Variants in LARP1B observed in about 807,000 individuals in gnomAD.
LARP1B encodes La ribonucleoprotein 1B, also known as la-related protein 1B.
A neutral mutation model predicts 114.2 loss-of-function variants in LARP1B; 76 were observed. The observed-to-expected ratio is 0.67, with a 90% CI of 0.55 to 0.81. LARP1B has a LOEUF of 0.81. LARP1B is among the 30% of genes least tolerant of loss of function. LARP1B has a pLI of 0.00. For synonymous variants in LARP1B, 345 were observed against 348.0 expected, an observed-to-expected ratio of 0.99 and a Z score of 0.10; for missense variants, 1,014 against 1,075.8, an observed-to-expected ratio of 0.94 and a Z score of 0.80.
chr4:128,084,594 CGGCATCAGAG>C (rs1772578494), intron 5 of LARP1B, among the ~76,000 whole-genome samples: 1 of 150,826 alleles, frequency 6.6e-6, no homozygotes. Context: ...AGCTTCGGCT[CGGCATCAGAG>C]GGAGACCGAG....
At chr4:128,086,925 C>G (rs528335667) in intron 5 of LARP1B, among the ~76,000 whole-genome samples, 1 of 152,152 alleles carries the variant, frequency 6.6e-6, no homozygotes, top group African/African-American at 2.4e-5. Context: ...GCACCCTGGC[C>G]CATTAGTCTT....
Position 128,098,323 on chromosome 4 carries a change from T to G in LARP1B, c.806T>G (p.Ile269Ser). 6.2e-7 allele frequency: 1 copy of G among 1,607,540 alleles called. No homozygotes were observed. The highest frequency in any genetic ancestry group is 8.5e-7 in the Non-Finnish European group (1 of 1,176,508). ...GCTCTCACTACAAACCTTAATCTCA[T>G]CTTAGAGGTAATTGCTCATTTGATG... ...VQALTTNLNL[I>S]LEALKDSTEV... The change falls in exon 8 of 20, where the codon ATC (isoleucine) becomes AGC (serine). Residue 269 changes from isoleucine (I) to serine (S), a missense_variant. Transcript: ENST00000326639.
chr4:128,112,466 ATTTT>A (rs1174266918), intron 9 of LARP1B, among the ~76,000 whole-genome samples: 9 of 69,322 alleles, frequency 1.3e-4, no homozygotes, highest in East Asian at 1.0e-3. Flanking sequence ...TGCTTACTCT[ATTTT>A]TTTTTTTTTT....
At chr4:128,073,863 T>A (rs1032742459) in intron 1 of LARP1B, among the ~76,000 whole-genome samples, 98 of 152,064 alleles carry the variant, frequency 6.4e-4, no homozygotes, top group African/African-American at 2.3e-3. Context: ...GTGCTGGGAT[T>A]ACAGGTGTGA....
chr4:128,196,345 A>G (rs1754115677), intron 15 of LARP1B, among the ~76,000 whole-genome samples: 1 of 150,576 alleles, frequency 6.6e-6, no homozygotes, highest in Non-Finnish European at 1.5e-5. Flanking sequence ...CGGTGAGACC[A>G]CGTCTCTACT....
At chr4:128,060,906 T>C (rs534619738), upstream of LARP1B, among the ~76,000 whole-genome samples, 29 of 152,124 alleles carry the variant, frequency 1.9e-4, no homozygotes, top group Non-Finnish European at 2.6e-4. Context: ...TCCCTTAGCC[T>C]AGCTGCGACC....
intron 1 of LARP1B, among the ~76,000 whole-genome samples, chr4:128,066,777 G>A (rs947341771): frequency 8.9e-5 from 13 of 145,886 alleles, no homozygotes; most frequent in Non-Finnish European, 1.6e-4. Context: ...GTGCCTGGCC[G>A]GGCTTTCTAT....
chr4:128,089,454 G>C (rs905429936), intron 5 of LARP1B, among the ~76,000 whole-genome samples: 28 of 151,870 alleles, frequency 1.8e-4, no homozygotes, highest in African/African-American at 6.8e-4. Context: ...TCCTGCCCTA[G>C]CCTCCCGAGT....
chr4:128,140,854 C>T (rs1216888980), intron 11 of LARP1B, among the ~76,000 whole-genome samples: 2 of 143,580 alleles, frequency 1.4e-5, no homozygotes, highest in Admixed American at 7.4e-5. Flanking sequence ...CTTGCTCTGT[C>T]GCCCAGGCTA....
At chr4:128,098,773 T>A (rs1380153173) in intron 8 of LARP1B, among the ~76,000 whole-genome samples, 3,500 of 19,046 alleles carry the variant, frequency 0.18, 158 homozygotes, top group South Asian at 0.25. Context: ...ATATATTTTT[T>A]TTTTTTTTTT....
intron 1 of LARP1B, chr4:128,062,112 C>T (rs1760372579): frequency 1.4e-5 from 14 of 985,284 alleles, no homozygotes; most frequent in Non-Finnish European, 1.7e-5. Flanking sequence ...AAGCGGCAGC[C>T]GCCGCTGCTG....
At chr4:128,153,006 G>A (rs1483485030) in intron 11 of LARP1B, among the ~76,000 whole-genome samples, 3 of 106,016 alleles carry the variant, frequency 2.8e-5, no homozygotes, top group Non-Finnish European at 5.6e-5. Context: ...TTTTGAGATG[G>A]AGTTTTGCTC....
chr4:128,061,807 C>G, intron 1 of LARP1B: 1 of 984,896 alleles, frequency 1.0e-6, no homozygotes. Flanking sequence ...AGCAGCCGCC[C>G]CCGCCCGAAT....
chr4:128,209,612 A>T (rs1758561991), intron 19 of LARP1B, among the ~76,000 whole-genome samples: 1 of 151,964 alleles, frequency 6.6e-6, no homozygotes, highest in African/African-American at 2.4e-5. Context: ...TTGTTATACT[A>T]ATACAATCTG....
At position 128,121,762 on chromosome 4, in the gene LARP1B, T is replaced by G; in HGVS notation, c.1162-64T>G. ...GATATTACTTACTTGTAACACTGTTTTATGACATTTAATTTAAAAATGATA... is the reference window on the plus strand; with the variant it reads ...GATATTACTTACTTGTAACACTGTTGTATGACATTTAATTTAAAAATGATA... On this transcript the variant is annotated intron_variant, in intron 10 of 19. Transcript: ENST00000326639. The G allele has an allele frequency of 2.2e-5, 26 of 1,200,518 alleles. No individual in the cohort carries two copies. The South Asian group carries it at 3.6e-4, about 17-fold the overall frequency. The allele number at this position is 1,200,518 out of a possible 1,614,324, so 74.4% of individuals were successfully genotyped here.
intron 9 of LARP1B, chr4:128,108,080 T>A: frequency 7.1e-7 from 1 of 1,413,164 alleles, no homozygotes; most frequent in Non-Finnish European, 9.2e-7. Context: ...GCAGTGGAGA[T>A]AACCACCTTT....
At chr4:128,089,540 C>T (rs931549208) in intron 5 of LARP1B, among the ~76,000 whole-genome samples, 13 of 151,854 alleles carry the variant, frequency 8.6e-5, no homozygotes, top group Admixed American at 1.3e-4. Context: ...TTTGCCATGT[C>T]GGCCAGGCTG....
At chr4:128,205,960 A>T (rs1262192938) in intron 17 of LARP1B, among the ~76,000 whole-genome samples, 1 of 152,154 alleles carries the variant, frequency 6.6e-6, no homozygotes, top group African/African-American at 2.4e-5. Flanking sequence ...AAAATAGCAA[A>T]GCCAGCTGTA....
intron 8 of LARP1B, among the ~76,000 whole-genome samples, chr4:128,100,116 C>T (rs1374037713): frequency 6.6e-6 from 1 of 151,026 alleles, no homozygotes; most frequent in East Asian, 2.0e-4. Context: ...CCTGCCACCA[C>T]ACTCAGCTAA....
Sources: gnomAD v4.1 joint callset for allele counts (sites outside exome capture counted in the v4.1 genomes callset) on GRCh38, gnomAD v4.1.1 for gene constraint, MANE v1.5 for transcripts, NCBI Gene and HGNC (gene_info 2026-07-23, HGNC 2026-07-21) for gene names.